HORMAD2: variants seen among roughly 807,000 people sequenced by gnomAD.
HORMAD2 encodes the protein HORMA domain-containing protein 2.
A neutral mutation model predicts 38.8 loss-of-function variants in HORMAD2; 45 were observed. The observed-to-expected ratio is 1.16, with a 90% CI of 0.91 to 1.49. The LOEUF is 1.49. Ranked by LOEUF, HORMAD2 falls within the 40% of genes most tolerant of loss-of-function variation. The pLI, the probability that HORMAD2 is intolerant of heterozygous loss-of-function variation, is 0.00. For synonymous variants in HORMAD2, 126 were observed against 122.8 expected (o/e 1.03, Z -0.17); for missense variants, 338 against 367.0 (o/e 0.92, Z 0.65).
downstream of HORMAD2, among the ~76,000 whole-genome samples, chr22:30,180,395 C>T (rs990946699): frequency 1.3e-5 from 2 of 152,118 alleles, no homozygotes; most frequent in African/African-American, 4.8e-5. Context: ...TATTTCAGGA[C>T]TCCTGAAGGC....
chr22:30,103,471 A>G lies in HORMAD2; in HGVS notation c.228A>G (p.Lys76=), dbSNP rs1158815927. Reference sequence around the variant, plus strand: ...TAAAAATCCTCCGAGAAGATAAAAAATGTCCCGGGTCACTGCATATTATCA... The same window carrying G: ...TAAAAATCCTCCGAGAAGATAAAAAGTGTCCCGGGTCACTGCATATTATCA... ...LSLKILREDK[K]CPGSLHIIRW... is the part of the protein sequence containing the mutation. The change falls in exon 4 of 11, where the codon AAA becomes AAG. Residue 76 remains lysine, a synonymous_variant. Transcript: ENST00000336726. 2 of 1,540,830 alleles carry G rather than the reference A, an allele frequency of 1.3e-6. No homozygotes were observed. Among genetic ancestry groups the G allele is most frequent in the South Asian group, 1.2e-5 (1 of 83,910 alleles).
chr22:30,101,480 T>C (rs981487544), intron 3 of HORMAD2, among the ~76,000 whole-genome samples: 3 of 151,910 alleles, frequency 2.0e-5, no homozygotes, highest in Non-Finnish European at 2.9e-5. Context: ...AAATACCTAA[T>C]GCATGTGGGG....
chr22:30,081,671 G>A (rs1223833730), intron 1 of HORMAD2, among the ~76,000 whole-genome samples: 1 of 152,062 alleles, frequency 6.6e-6, no homozygotes, highest in South Asian at 2.1e-4. Context: ...CACCTCTCGG[G>A]TTCAAGCGAT....
chr22:30,185,871 A>T, the HORMAD2 span, among the ~76,000 whole-genome samples: 32,230 of 151,730 alleles, frequency 0.21, 3,857 homozygotes, highest in Middle Eastern at 0.38. Flanking sequence ...TAAAAAAAAA[A>T]AAATAAAAAG....
Position 30,110,301 on chromosome 22 carries a change from T to C in HORMAD2, c.295-1495T>C, listed in dbSNP as rs530127171. Among the ~76,000 whole-genome samples, 5 of 151,804 alleles carry C rather than the reference T, an allele frequency of 3.3e-5. No homozygotes were observed. In the South Asian group the frequency reaches 8.3e-4, roughly 25 times the overall value. ...AAATGGAGAGAAAAAAAGAAAAAAT[T>C]ATAGGAAAGAATCAGTTTTCAGATA... On this transcript the variant is annotated intron_variant, in intron 5 of 10. Transcript: ENST00000336726.
At chr22:30,147,158 C>T (rs1007329644) in intron 10 of HORMAD2, among the ~76,000 whole-genome samples, 2 of 152,056 alleles carry the variant, frequency 1.3e-5, no homozygotes, top group African/African-American at 4.8e-5. Flanking sequence ...AACTTTACAG[C>T]CTTTACAAGT....
chr22:30,150,576 G>A (rs1270370638), intron 10 of HORMAD2, among the ~76,000 whole-genome samples: 1 of 152,180 alleles, frequency 6.6e-6, no homozygotes, highest in Non-Finnish European at 1.5e-5. Flanking sequence ...ATTAAAGAGT[G>A]GGGGAACTAT....
intron 5 of HORMAD2, among the ~76,000 whole-genome samples, chr22:30,106,530 A>G (rs1921209513): frequency 6.6e-6 from 1 of 152,128 alleles, no homozygotes; most frequent in Non-Finnish European, 1.5e-5. Flanking sequence ...GGCCCTGAAT[A>G]TTTGGACAGA....
chr22:30,090,037 T>C (rs1015929659), intron 1 of HORMAD2, among the ~76,000 whole-genome samples: 1 of 152,216 alleles, frequency 6.6e-6, no homozygotes, highest in Non-Finnish European at 1.5e-5. Context: ...TTATTCACAT[T>C]GTTGCATGTA....
intron 1 of HORMAD2, among the ~76,000 whole-genome samples, chr22:30,087,734 G>A (rs2068595518): frequency 2.0e-5 from 3 of 150,220 alleles, no homozygotes; most frequent in African/African-American, 4.9e-5. Flanking sequence ...AAAAAAAAAA[G>A]GTTCTACACA....
Position 30,140,478 on chromosome 22 carries a change from T to C in HORMAD2, c.819+18264T>C, listed in dbSNP as rs78706296. On this transcript the variant is annotated intron_variant, in intron 10 of 10. Transcript: ENST00000336726. ...TCAAGGTCTTCACTTGTTATAGATATATTCATATTTTCAATTTCTTCTTGA... is the reference window on the plus strand; with the variant it reads ...TCAAGGTCTTCACTTGTTATAGATACATTCATATTTTCAATTTCTTCTTGA... Among the ~76,000 whole-genome samples the C allele has an allele frequency of 1.6e-3, 247 of 152,332 alleles. 1 individual carries two copies. The highest frequency in any genetic ancestry group is 5.7e-3 in the African/African-American group (237 of 41,576).
chr22:30,088,037 G>GTATACATATGTACACACTTATACA (rs146994681), intron 1 of HORMAD2, among the ~76,000 whole-genome samples: 2 of 139,902 alleles, frequency 1.4e-5, no homozygotes, highest in East Asian at 3.9e-4. Flanking sequence ...CTGTATATGT[G>GTATACATATGTACACACTTATACA]TATACACACG....
the HORMAD2 span, among the ~76,000 whole-genome samples, chr22:30,190,196 C>T: frequency 6.6e-6 from 1 of 152,178 alleles, no homozygotes; most frequent in East Asian, 1.9e-4. Flanking sequence ...ATACATATCA[C>T]CTGAATTCCT....
chr22:30,126,850 C>T (rs973513298), intron 10 of HORMAD2, among the ~76,000 whole-genome samples: 3 of 152,120 alleles, frequency 2.0e-5, no homozygotes, highest in South Asian at 2.1e-4. Context: ...TAACCCTTGG[C>T]GTTTTCCATC....
At chr22:30,155,196 T>G (rs1182981261) in intron 10 of HORMAD2, among the ~76,000 whole-genome samples, 2 of 152,144 alleles carry the variant, frequency 1.3e-5, no homozygotes, top group African/African-American at 4.8e-5. Flanking sequence ...ATGTTTTATT[T>G]GGTCACTTGA....
At chr22:30,144,836 A>G (rs1924314131) in intron 10 of HORMAD2, among the ~76,000 whole-genome samples, 1 of 152,120 alleles carries the variant, frequency 6.6e-6, no homozygotes, top group Admixed American at 6.5e-5. Flanking sequence ...CCCCCACCTC[A>G]TGGCCATACT....
the HORMAD2 span, chr22:30,207,023 G>T: frequency 4.3e-6 from 2 of 467,034 alleles, no homozygotes; most frequent in South Asian, 3.1e-5. Context: ...GCCTCCACCC[G>T]TCCCCTCGTG....
upstream of HORMAD2, among the ~76,000 whole-genome samples, chr22:30,077,770 C>T (rs969958868): frequency 2.4e-4 from 36 of 152,288 alleles, no homozygotes; most frequent in Admixed American, 1.9e-3. Context: ...CTTATATTCT[C>T]ATCTGTAAAG....
the HORMAD2 span, among the ~76,000 whole-genome samples, chr22:30,185,699 A>G: frequency 6.6e-6 from 1 of 152,222 alleles, no homozygotes; most frequent in African/African-American, 2.4e-5. Flanking sequence ...ACTGCCAGGT[A>G]TCAGTATTAT....
Sources: gnomAD v4.1 joint callset for allele counts (sites outside exome capture counted in the v4.1 genomes callset) on GRCh38, gnomAD v4.1.1 for gene constraint, MANE v1.5 for transcripts, NCBI Gene and HGNC (gene_info 2026-07-23, HGNC 2026-07-21) for gene names.